Variants in C10orf67 observed in about 807,000 individuals in gnomAD.
The protein encoded by C10orf67 is chromosome 10 open reading frame 67.
A neutral mutation model predicts 35.6 loss-of-function variants in C10orf67; 60 were observed. The observed-to-expected ratio is 1.68, with a 90% CI of 1.37 to 2.09. C10orf67 has a LOEUF of 2.09. Ranked by LOEUF, C10orf67 falls within the 30% of genes most tolerant of loss-of-function variation. The pLI is 0.00. For missense variants in C10orf67, 474 were observed against 330.2 expected (o/e 1.44, Z -3.38); for synonymous variants, 167 against 115.8 (o/e 1.44, Z -2.84).
At chr10:23,329,615 C>T (rs539795443) in intron 2 of C10orf67, among the ~76,000 whole-genome samples, 18 of 151,568 alleles carry the variant, frequency 1.2e-4, no homozygotes, top group East Asian at 5.8e-4. Context: ...GCCTGGGTAA[C>T]GTAGCAAGAC....
chr10:23,319,447 G>A (rs1034887796), intron 4 of C10orf67, among the ~76,000 whole-genome samples: 1 of 152,020 alleles, frequency 6.6e-6, no homozygotes, highest in Non-Finnish European at 1.5e-5. Context: ...TTGCTATTGT[G>A]AGCAGTGCTG....
intron 12 of C10orf67, among the ~76,000 whole-genome samples, chr10:23,249,421 C>T (rs1236051648): frequency 1.3e-5 from 2 of 152,112 alleles, no homozygotes; most frequent in Admixed American, 6.5e-5. Flanking sequence ...TTAATATGCA[C>T]ATTTTACACA....
At chr10:23,275,107 A>C (rs1239894358) in intron 8 of C10orf67, among the ~76,000 whole-genome samples, 1 of 152,128 alleles carries the variant, frequency 6.6e-6, no homozygotes, top group Non-Finnish European at 1.5e-5. Flanking sequence ...AATTCTGGGA[A>C]TTCTCTGAGG....
At chr10:23,313,607 A>G (rs1351467945) in intron 4 of C10orf67, among the ~76,000 whole-genome samples, 1 of 152,224 alleles carries the variant, frequency 6.6e-6, no homozygotes, top group African/African-American at 2.4e-5. Context: ...AATGTGATAC[A>G]ATTCACTGTA....
intron 10 of C10orf67, among the ~76,000 whole-genome samples, chr10:23,255,527 G>A (rs1394648024): frequency 1.3e-5 from 2 of 152,162 alleles, no homozygotes; most frequent in East Asian, 1.9e-4. Flanking sequence ...TCCTCACCTG[G>A]CTCTAGAACA....
intron 2 of C10orf67, 107 bp downstream of exon 2, chr10:23,332,955 C>G: frequency 8.7e-7 from 1 of 1,147,360 alleles, no homozygotes; most frequent in South Asian, 1.5e-5. Flanking sequence ...GTCAAAGATG[C>G]TAACATTTTA....
intron 2 of C10orf67, among the ~76,000 whole-genome samples, chr10:23,325,159 A>G (rs1483967890): frequency 6.6e-6 from 1 of 152,160 alleles, no homozygotes; most frequent in African/African-American, 2.4e-5. Context: ...CAACATAGTG[A>G]GACCTCATCT....
intron 9 of C10orf67, among the ~76,000 whole-genome samples, chr10:23,266,631 T>A (rs901860807): frequency 2.0e-5 from 3 of 151,672 alleles, no homozygotes; most frequent in Non-Finnish European, 4.4e-5. Context: ...TTCTCCACTC[T>A]CCCCCTTTAA....
intron 15 of C10orf67, among the ~76,000 whole-genome samples, chr10:23,223,290 C>T (rs570008156): frequency 1.2e-4 from 18 of 151,930 alleles, no homozygotes; most frequent in South Asian, 8.3e-4. Context: ...TTATATGTTG[C>T]CTAGGCTGAT....
At chr10:23,276,659 T>C (rs1219734573) in intron 8 of C10orf67, among the ~76,000 whole-genome samples, 1 of 152,116 alleles carries the variant, frequency 6.6e-6, no homozygotes, top group Non-Finnish European at 1.5e-5. Context: ...CCACACATTC[T>C]AGAGGTATGT....
chr10:23,303,295 G>A lies in C10orf67; in HGVS notation c.702+9C>T. 1 of 532,342 alleles carries A rather than the reference G, an allele frequency of 1.9e-6. No individual in the cohort carries two copies. Among genetic ancestry groups the A allele is most frequent in the Non-Finnish European group, 3.4e-6 (1 of 295,460 alleles). The allele number at this position is 532,342 out of a possible 1,614,324, so 33.0% of individuals were successfully genotyped here. ...ATTAAAATTAATTATTCCTTGCCTT[G>A]AAACTTACCATTTTGTGAAATCCAA... is the stretch of plus-strand genomic sequence containing the variant. On this transcript the variant is annotated intron_variant, in intron 5 of 15. Coordinates refer to ENST00000636213, the MANE Select transcript of C10orf67 (RefSeq NM_001371909.1).
At position 23,339,080 on chromosome 10, in the gene C10orf67, G is replaced by A. The variant is rs538989925; in HGVS notation, c.206+5489C>T. Among the ~76,000 whole-genome samples the A allele has an allele frequency of 7.2e-5, 11 of 152,250 alleles. No individual in the cohort carries two copies. In the South Asian group the frequency reaches 1.2e-3, roughly 17 times the overall value. ...CTCACGCCCAAAATTATAGTTTCCT[G>A]TCTCTGCAACTTTAGGATCTGCTGG... On this transcript the variant is annotated intron_variant, in intron 1 of 15. Transcript: ENST00000636213.
rs574740574 is a variant in C10orf67 at position 23,270,669 on chromosome 10, G to A, written c.976-3415C>T. 5.9e-5 allele frequency among the ~76,000 whole-genome samples: 9 copies of A among 152,306 alleles called. No homozygotes were observed. In the South Asian group the frequency reaches 1.0e-3, roughly 18 times the overall value. On this transcript the variant is annotated intron_variant, in intron 8 of 15. Transcript: ENST00000636213. Reference sequence around the variant, plus strand: ...CAGACAGCAGCAACAGGCTGGAGACGGCCTGAGATGGACCAAATTCCCAGG... The same window carrying A: ...CAGACAGCAGCAACAGGCTGGAGACAGCCTGAGATGGACCAAATTCCCAGG...
Position 23,202,929 on chromosome 10 carries a change from G to C in C10orf67, c.*1244C>G, listed in dbSNP as rs560778041. The C allele has an allele frequency of 6.6e-6, 1 of 152,344 alleles. No homozygotes were observed. The highest frequency in any genetic ancestry group is 2.1e-4 in the South Asian group (1 of 4,830). 9.4% of individuals were successfully genotyped at this position (152,344 alleles called of 1,614,324 possible). On this transcript the variant is annotated 3_prime_UTR_variant, in exon 16 of 16. Transcript: ENST00000636213. ...GGTTGGTGGAAATGGCTGGCAGCCA[G>C]TTCTGGGAAAGATTCCAGACCTGAC... is the stretch of plus-strand genomic sequence containing the variant.
chr10:23,334,719 G>A (rs966063524), intron 1 of C10orf67, among the ~76,000 whole-genome samples: 3 of 152,192 alleles, frequency 2.0e-5, no homozygotes, highest in Admixed American at 1.3e-4. Flanking sequence ...CATTAGGAAG[G>A]GTCTGTTGGG....
chr10:23,297,217 T>C (rs1029709731), intron 5 of C10orf67, among the ~76,000 whole-genome samples: 1 of 128,924 alleles, frequency 7.8e-6, no homozygotes, highest in Non-Finnish European at 1.8e-5. Flanking sequence ...TTCTTGGTGG[T>C]TCCTTTCTAT....
intron 4 of C10orf67, among the ~76,000 whole-genome samples, chr10:23,315,845 G>A (rs1479878654): frequency 1.3e-5 from 2 of 151,916 alleles, no homozygotes; most frequent in Non-Finnish European, 2.9e-5. Context: ...TAGAGACAGG[G>A]TCATGCTCCG....
At chr10:23,295,365 A>T (rs557190668) in intron 5 of C10orf67, among the ~76,000 whole-genome samples, 8 of 152,310 alleles carry the variant, frequency 5.3e-5, no homozygotes, top group African/African-American at 1.9e-4. Flanking sequence ...TGAAGAGAAA[A>T]GTTAGAGGTG....
At chr10:23,275,612 C>T (rs962757061) in intron 8 of C10orf67, among the ~76,000 whole-genome samples, 1 of 152,100 alleles carries the variant, frequency 6.6e-6, no homozygotes, top group Non-Finnish European at 1.5e-5. Flanking sequence ...CACACGCACA[C>T]ACACACAGAG....
Sources: allele counts gnomAD v4.1 joint callset (sites outside exome capture counted in the v4.1 genomes callset), GRCh38; gene constraint gnomAD v4.1.1; transcripts MANE v1.5; gene names NCBI Gene and HGNC (gene_info 2026-07-23, HGNC 2026-07-21).